Variants in CEP128 observed in about 807,000 individuals in gnomAD.
CEP128 encodes the protein centrosomal protein 128kDa.
A neutral mutation model predicts 156.7 loss-of-function variants in CEP128; 132 were observed. That is an observed-to-expected ratio of 0.84 (90% CI 0.73 to 0.97). CEP128 has a LOEUF of 0.97. Ranked by LOEUF, CEP128 falls within the 50% of genes least tolerant of loss-of-function variation. The probability of loss-of-function intolerance (pLI) is 0.00; values close to 1 mark genes in which losing one functional copy is unlikely to be tolerated. For missense variants in CEP128, 1,252 were observed against 1,281.9 expected (o/e 0.98, Z 0.36); for synonymous variants, 469 against 448.9 (o/e 1.04, Z -0.57).
intron 9 of CEP128, among the ~76,000 whole-genome samples, chr14:80,847,752 A>C (rs1168207227): frequency 5.3e-5 from 8 of 152,232 alleles, no homozygotes; most frequent in Non-Finnish European, 8.8e-5. Context: ...CAAATGTGGA[A>C]TAATGCCCTT....
intron 13 of CEP128, among the ~76,000 whole-genome samples, chr14:80,822,199 C>T (rs1318129742): frequency 3.3e-5 from 5 of 152,076 alleles, no homozygotes; most frequent in African/African-American, 1.2e-4. Flanking sequence ...CCCAACAGTC[C>T]ACTCAAAAGT....
chr14:80,596,099 T>C (rs1892306243), intron 19 of CEP128, among the ~76,000 whole-genome samples: 1 of 136,740 alleles, frequency 7.3e-6, no homozygotes, highest in Admixed American at 7.2e-5. Context: ...ATACAGAACA[T>C]AGACAGAAAA....
At chr14:80,861,586 A>G (rs1316934744) in intron 9 of CEP128, among the ~76,000 whole-genome samples, 1 of 152,134 alleles carries the variant, frequency 6.6e-6, no homozygotes, top group South Asian at 2.1e-4. Flanking sequence ...ATTCTACAAA[A>G]TAAATTGTTT....
At chr14:80,682,179 A>G (rs10139136) in intron 19 of CEP128, among the ~76,000 whole-genome samples, 2 of 152,212 alleles carry the variant, frequency 1.3e-5, no homozygotes, top group African/African-American at 4.8e-5. Flanking sequence ...TCAAGGAGAT[A>G]CAAGAAAAGT....
intron 19 of CEP128, among the ~76,000 whole-genome samples, chr14:80,663,201 G>A (rs1295961244): frequency 2.0e-5 from 3 of 152,150 alleles, no homozygotes; most frequent in African/African-American, 7.2e-5. Context: ...AAAGAAAAGA[G>A]AAACTGCAGG....
chr14:80,602,014 G>C (rs1184826058), intron 19 of CEP128, among the ~76,000 whole-genome samples: 1 of 151,982 alleles, frequency 6.6e-6, no homozygotes, highest in Non-Finnish European at 1.5e-5. Context: ...GGTTAAAAAA[G>C]GATGAAAACA....
At chr14:80,908,180 C>G (rs1053190390) in intron 4 of CEP128, among the ~76,000 whole-genome samples, 1 of 151,942 alleles carries the variant, frequency 6.6e-6, no homozygotes, top group African/African-American at 2.4e-5. Context: ...GTATTTATCC[C>G]ATTTCCGACC....
intron 23 of CEP128, among the ~76,000 whole-genome samples, chr14:80,507,014 G>C (rs1198614270): frequency 6.6e-6 from 1 of 151,946 alleles, no homozygotes; most frequent in Non-Finnish European, 1.5e-5. Flanking sequence ...GGTTGTTTAA[G>C]TGTGTGGCAC....
intron 16 of CEP128, among the ~76,000 whole-genome samples, chr14:80,762,220 A>G (rs1265975254): frequency 6.6e-6 from 1 of 152,168 alleles, no homozygotes; most frequent in African/African-American, 2.4e-5. Context: ...CCTTTCAGAG[A>G]TTACAAGGAC....
rs1185018402 is a variant in CEP128, at chr14:80,678,044, A to AT, written c.2806+65030_2806+65031insA. Among the ~76,000 whole-genome samples the AT allele has an allele frequency of 3.3e-3, 185 of 56,068 alleles. 5 individuals carry two copies. The highest frequency in any genetic ancestry group is 9.2e-3 in the East Asian group (11 of 1,200). 36.8% of individuals were successfully genotyped at this position (56,068 alleles called of 152,430 possible). On this transcript the variant is annotated intron_variant, in intron 19 of 24. Coordinates refer to ENST00000555265, the MANE Select transcript of CEP128 (RefSeq NM_152446.5). ...TCAACATGGACAGTTGCTCTATAAA[A>AT]AAAAAATATATATATATATGTATAT...
At chr14:80,874,730 A>G (rs2139279177) in intron 8 of CEP128, among the ~76,000 whole-genome samples, 1 of 151,954 alleles carries the variant, frequency 6.6e-6, no homozygotes, top group Admixed American at 6.6e-5. Flanking sequence ...CCATTCTCCC[A>G]CCTCAGCCTC....
intron 24 of CEP128, among the ~76,000 whole-genome samples, chr14:80,503,182 T>C (rs1043700418): frequency 1.3e-5 from 2 of 152,206 alleles, no homozygotes; most frequent in African/African-American, 4.8e-5. Context: ...AGAGTTTTAC[T>C]TTTTAGGTTA....
chr14:80,871,714 T>C (rs187434881), intron 8 of CEP128, among the ~76,000 whole-genome samples: 2 of 152,220 alleles, frequency 1.3e-5, no homozygotes, highest in Admixed American at 1.3e-4. Flanking sequence ...AATCCAATAC[T>C]AAAAAATTCA....
intron 19 of CEP128, among the ~76,000 whole-genome samples, chr14:80,623,160 G>A (rs1893559857): frequency 6.6e-6 from 1 of 151,784 alleles, no homozygotes; most frequent in African/African-American, 2.4e-5. Flanking sequence ...TCCTTTGTAG[G>A]GACATGGATG....
chr14:80,927,265 G>A (rs1444947632), intron 2 of CEP128, among the ~76,000 whole-genome samples: 1 of 152,210 alleles, frequency 6.6e-6, no homozygotes. Context: ...TTCAGCAGAG[G>A]CACAGGTGCA....
At chr14:80,623,783 CTTTTA>C (rs1284397028) in intron 19 of CEP128, among the ~76,000 whole-genome samples, 22 of 151,530 alleles carry the variant, frequency 1.5e-4, no homozygotes, top group Admixed American at 1.4e-3. Flanking sequence ...TAGATTTTTC[CTTTTA>C]TTTTCAGTTG....
chr14:80,534,471 GTTAA>G (rs1409296496), intron 21 of CEP128, among the ~76,000 whole-genome samples: 3 of 152,156 alleles, frequency 2.0e-5, no homozygotes, highest in African/African-American at 7.2e-5. Context: ...TTCTAAGTTG[GTTAA>G]TTTTTTTCTG....
chr14:80,722,910 T>C (rs925166633), intron 19 of CEP128, among the ~76,000 whole-genome samples: 1 of 144,136 alleles, frequency 6.9e-6, no homozygotes, highest in South Asian at 2.3e-4. Flanking sequence ...CACTGCAAGC[T>C]CCGCCTCCTG....
intron 19 of CEP128, among the ~76,000 whole-genome samples, chr14:80,717,884 G>T (rs1020065762): frequency 2.0e-5 from 3 of 152,074 alleles, no homozygotes; most frequent in Admixed American, 6.6e-5. Flanking sequence ...GCACAATCAT[G>T]GCTCACTGCA....
Sources: allele counts gnomAD v4.1 joint callset (sites outside exome capture counted in the v4.1 genomes callset), GRCh38; gene constraint gnomAD v4.1.1; transcripts MANE v1.5; gene names NCBI Gene and HGNC (gene_info 2026-07-23, HGNC 2026-07-21).